PRH1: variants seen among roughly 807,000 people sequenced by gnomAD.
PRH1 encodes proline rich protein HaeIII subfamily 1, also known as salivary acidic proline-rich phosphoprotein 1/2.
PRH1 carries 7 observed loss-of-function variants against 7.9 expected under a neutral mutation model. The ratio of observed to expected loss-of-function variants is 0.89; its 90% CI spans 0.50 to 1.67. The LOEUF is 1.67. PRH1 is among the 40% of genes most tolerant of loss of function. The pLI is 0.00. For missense variants in PRH1, 109 were observed against 223.6 expected, an observed-to-expected ratio of 0.49 and a Z score of 3.27; for synonymous variants, 45 against 80.8, an observed-to-expected ratio of 0.56 and a Z score of 2.38.
intron 1 of PRH1, chr12:11,022,583 T>TA (rs769381799): frequency 1.4e-5 from 22 of 1,571,598 alleles, no homozygotes; most frequent in South Asian, 3.4e-5. Context: ...TTTGAACAGA[T>TA]AAAAAAATGC....
intron 1 of PRH1, among the ~76,000 whole-genome samples, chr12:11,033,418 A>G (rs1942310205): frequency 1.3e-5 from 2 of 151,620 alleles, no homozygotes; most frequent in East Asian, 3.9e-4. Context: ...CCAACATCAA[A>G]CGACATGTGA....
chr12:11,029,644 A>G (rs1942087973), intron 1 of PRH1, among the ~76,000 whole-genome samples: 1 of 102,394 alleles, frequency 9.8e-6, no homozygotes, highest in Middle Eastern at 5.0e-3. Flanking sequence ...CATATGCATA[A>G]CTGATGATAC....
At chr12:11,170,539 T>C (rs576355132) in intron 1 of PRH1, among the ~76,000 whole-genome samples, 1 of 152,202 alleles carries the variant, frequency 6.6e-6, no homozygotes, top group Non-Finnish European at 1.5e-5. Context: ...AGAGCGAGAC[T>C]CCCGTCTCAA....
chr12:10,903,942 A>AAAAAAAAAAAAAAAAAAC, intron 2 of PRH1, among the ~76,000 whole-genome samples: 1 of 145,420 alleles, frequency 6.9e-6, no homozygotes, highest in African/African-American at 2.4e-5. Flanking sequence ...AAAAAAAAAA[A>AAAAAAAAAAAAAAAAAAC]AAAAAAAAAA....
rs935233946 is a variant in PRH1 at position 11,081,330 on chromosome 12, ATC to A, written n.124-34144_124-34143del. 1.2e-4 allele frequency among the ~76,000 whole-genome samples: 14 copies of A among 117,302 alleles called. 2 individuals are homozygous for A. The highest frequency in any genetic ancestry group is 1.0e-3 in the Admixed American group (12 of 11,736). 77.0% of individuals were successfully genotyped at this position (117,302 alleles called of 152,430 possible). On this transcript the variant is annotated intron_variant and non_coding_transcript_variant, in intron 1 of 4. Coordinates refer to the PRH1 transcript ENST00000541977. The stretch of plus-strand genomic sequence containing the variant: ...TCTTATTCTTTTAGTGTTCAGAATA[ATC>A]TTTTATTCTCCTTCCATAAATCATT...
chr12:11,041,524 T>C (rs774189760), intron 1 of PRH1, among the ~76,000 whole-genome samples: 6 of 152,148 alleles, frequency 3.9e-5, no homozygotes, highest in Admixed American at 1.3e-4. Context: ...CTCAATTCAA[T>C]AATAGATGGA....
intron 1 of PRH1, among the ~76,000 whole-genome samples, chr12:11,132,261 T>C (rs866109966): frequency 3.9e-5 from 6 of 152,410 alleles, no homozygotes; most frequent in East Asian, 1.9e-4. Flanking sequence ...ATAGATTTCA[T>C]AGATACTATT....
intron 2 of PRH1, chr12:10,895,416 T>A (rs907616199): frequency 1.3e-5 from 2 of 152,156 alleles, no homozygotes; most frequent in African/African-American, 2.4e-5. Flanking sequence ...CGTTCTTAGA[T>A]TAAACTATTA....
chr12:11,055,909 T>C (rs1943344598), intron 1 of PRH1, among the ~76,000 whole-genome samples: 2 of 152,202 alleles, frequency 1.3e-5, no homozygotes, highest in South Asian at 2.1e-4. Context: ...GCATCCAAGG[T>C]TTTCTTGGGA....
intron 2 of PRH1, among the ~76,000 whole-genome samples, chr12:10,955,503 A>G (rs984735057): frequency 6.6e-6 from 1 of 152,062 alleles, no homozygotes; most frequent in Non-Finnish European, 1.5e-5. Flanking sequence ...AATTAATAAC[A>G]TAACTTCACA....
intron 2 of PRH1, among the ~76,000 whole-genome samples, chr12:10,960,552 ATTTG>A (rs1270616827): frequency 2.6e-5 from 4 of 152,204 alleles, no homozygotes; most frequent in Non-Finnish European, 5.9e-5. Flanking sequence ...AATCAAAACA[ATTTG>A]TTTGTTGGGG....
At chr12:10,930,055 C>A (rs1173772274) in intron 2 of PRH1, among the ~76,000 whole-genome samples, 1 of 152,116 alleles carries the variant, frequency 6.6e-6, no homozygotes, top group African/African-American at 2.4e-5. Flanking sequence ...AACAGGGGCC[C>A]TTCTATGTTG....
intron 1 of PRH1, chr12:10,997,540 A>AT: frequency 6.2e-7 from 1 of 1,614,082 alleles, no homozygotes; most frequent in South Asian, 1.1e-5. Context: ...GTCTGGAGAA[A>AT]TTGACGATCT....
chr12:11,052,728 A>G (rs1943198187), intron 1 of PRH1, among the ~76,000 whole-genome samples: 1 of 152,116 alleles, frequency 6.6e-6, no homozygotes, highest in African/African-American at 2.4e-5. Flanking sequence ...CTAATTCACT[A>G]ATTATCTCTT....
chr12:11,133,120 T>TACACACAC (rs10645657), intron 1 of PRH1: 13 of 497,308 alleles, frequency 2.6e-5, no homozygotes, highest in Non-Finnish European at 4.1e-5. Flanking sequence ...CAGTTTTTCA[T>TACACACAC]ACACACACAC....
At chr12:11,039,592 A>G (rs939292232) in intron 1 of PRH1, among the ~76,000 whole-genome samples, 5 of 152,248 alleles carry the variant, frequency 3.3e-5, no homozygotes, top group African/African-American at 2.4e-5. Flanking sequence ...CAGATGACAC[A>G]TTGGTTTTAT....
intron 1 of PRH1, among the ~76,000 whole-genome samples, chr12:11,163,160 C>T (rs1450846820): frequency 6.6e-6 from 1 of 151,530 alleles, no homozygotes; most frequent in Non-Finnish European, 1.5e-5. Flanking sequence ...ATTAGCATGG[C>T]CCCTTCCATA....
intron 1 of PRH1, among the ~76,000 whole-genome samples, chr12:11,153,100 A>G (rs1947148641): frequency 6.6e-6 from 1 of 152,218 alleles, no homozygotes; most frequent in Non-Finnish European, 1.5e-5. Flanking sequence ...TTACAAAATA[A>G]CTTATAATCA....
chr12:10,930,672 C>T, intron 2 of PRH1: 1 of 1,613,858 alleles, frequency 6.2e-7, no homozygotes, highest in Non-Finnish European at 8.5e-7. Context: ...ATGGAGGAGA[C>T]TCTGAGCAGT....
Sources: allele counts gnomAD v4.1 joint callset (sites outside exome capture counted in the v4.1 genomes callset), GRCh38; gene constraint gnomAD v4.1.1; transcripts MANE v1.5; gene names NCBI Gene and HGNC (gene_info 2026-07-23, HGNC 2026-07-21).